RAD9B: variants seen among roughly 807,000 people sequenced by gnomAD.
RAD9B encodes cell cycle checkpoint control protein RAD9B.
In RAD9B, 41 loss-of-function variants were observed where a neutral mutation model predicts 48.3. The ratio of observed to expected loss-of-function variants is 0.85; its 90% CI spans 0.66 to 1.10. The LOEUF (loss-of-function observed/expected upper bound fraction) is 1.10. Ranked by LOEUF, RAD9B falls within the 50% of genes least tolerant of loss-of-function variation. The pLI is 0.00. For missense variants in RAD9B, 444 were observed against 485.1 expected (o/e 0.92, Z 0.80); for synonymous variants, 160 against 157.9 (o/e 1.01, Z -0.10).
intron 3 of RAD9B, 76 bp from the exon 4 acceptor site, chr12:110,506,503 T>C: frequency 1.3e-6 from 1 of 790,972 alleles, no homozygotes; most frequent in Non-Finnish European, 2.2e-6. Flanking sequence ...TGTTCATTTA[T>C]GAATGCATAT....
intron 10 of RAD9B, 40 bp from the exon 11 acceptor site, chr12:110,530,485 C>G: frequency 1.2e-6 from 2 of 1,606,684 alleles, no homozygotes; most frequent in Non-Finnish European, 1.7e-6. Context: ...AGCAAACTTT[C>G]TCTTTGGAAT....
chr12:110,533,222 TCAAAC>T lies in RAD9B; in HGVS notation c.*2574_*2578del, dbSNP rs1485974169. ...GGCTGGTGTCTCATTTAGTTACTAT[TCAAAC>T]CAAAAGAAGCACACAGATTAGTATA... On this transcript the variant is annotated 3_prime_UTR_variant, in exon 11 of 11. Coordinates refer to ENST00000409300, the MANE Select transcript of RAD9B (RefSeq NM_001286535.2). 6.6e-6 allele frequency: 1 copy of T among 152,196 alleles called. No homozygotes were observed. The highest frequency in any genetic ancestry group is 1.5e-5 in the Non-Finnish European group (1 of 68,044). 9.4% of individuals were successfully genotyped at this position (152,196 alleles called of 1,614,324 possible).
In RAD9B at chr12:110,531,455, G is replaced by A. The variant is rs774578143; in HGVS notation, c.*802G>A. 4.2e-6 allele frequency: 3 copies of A among 714,496 alleles called. No individual in the cohort carries two copies. The highest frequency in any genetic ancestry group is 7.0e-6 in the Non-Finnish European group (3 of 426,510). 44.3% of individuals were successfully genotyped at this position (714,496 alleles called of 1,614,324 possible). On this transcript the variant is annotated 3_prime_UTR_variant, in exon 11 of 11. Coordinates refer to ENST00000409300, the MANE Select transcript of RAD9B (RefSeq NM_001286535.2). ...GATCTGCCCACCTCGGCCTCCCAAA[G>A]TGCTGGGATTACAGACTTGAGCCAC... is the stretch of plus-strand genomic sequence containing the variant.
In RAD9B at chr12:110,530,580, A is replaced by G; in HGVS notation, c.1181A>G (p.His394Arg). The G allele has an allele frequency of 6.2e-7, 1 of 1,613,892 alleles. No individual in the cohort carries two copies. The highest frequency in any genetic ancestry group is 8.5e-7 in the Non-Finnish European group (1 of 1,179,836). Residue 394 changes from histidine (H) to arginine (R), a missense_variant, in exon 11 of 11, where the codon CAC becomes CGC. His to Arg is a conservative substitution (Grantham distance 29). Coordinates refer to ENST00000409300, the MANE Select transcript of RAD9B (RefSeq NM_001286535.2). ...TCTGACCAGCAAGAACACTTCAACCACCCTTTCGACAGTCTGGCAAGAGCA... is the reference window on the plus strand; with the variant it reads ...TCTGACCAGCAAGAACACTTCAACCGCCCTTTCGACAGTCTGGCAAGAGCA... ...VSSDQQEHFN[H>R]PFDSLARASD...
intron 4 of RAD9B, among the ~76,000 whole-genome samples, chr12:110,510,326 T>C (rs572209881): frequency 6.6e-6 from 1 of 152,372 alleles, no homozygotes; most frequent in African/African-American, 2.4e-5. Flanking sequence ...GTCCCTTATG[T>C]GGTAGATCAC....
At chr12:110,510,837 C>T (rs2063436695) in intron 4 of RAD9B, among the ~76,000 whole-genome samples, 1 of 151,846 alleles carries the variant, frequency 6.6e-6, no homozygotes. Flanking sequence ...GCCTCTAGTC[C>T]CAGCTACTGG....
intron 3 of RAD9B, 150 bp from the exon 4 acceptor site, chr12:110,506,429 C>G (rs2063270960): frequency 2.1e-6 from 1 of 471,440 alleles, no homozygotes; most frequent in Non-Finnish European, 3.9e-6. Context: ...ACCTCGTGAT[C>G]CGCCCGCCTC....
In RAD9B at chr12:110,531,719, G is replaced by T. The variant is rs754710718; in HGVS notation, c.*1066G>T. On this transcript the variant is annotated 3_prime_UTR_variant, in exon 11 of 11. Transcript: ENST00000409300. ...ATGTCTCTGTTCTTTGGCCCTTTAA[G>T]AGTTAGCTTTTTACCTGCACAAATG... 2 of 1,318,988 alleles carry T rather than the reference G, an allele frequency of 1.5e-6. No homozygotes were observed. Among genetic ancestry groups the T allele is most frequent in the Admixed American group, 4.3e-5 (2 of 46,218 alleles). The allele number at this position is 1,318,988 out of a possible 1,614,324, so 81.7% of individuals were successfully genotyped here. A position where few individuals can be genotyped will look rare whatever the true frequency, so the allele number is the denominator to read the frequency against.
At chr12:110,512,928 A>T (rs954281541) in intron 5 of RAD9B, 50 bp downstream of exon 5, 1 of 902,998 alleles carries the variant, frequency 1.1e-6, no homozygotes, top group Non-Finnish European at 1.8e-6. Flanking sequence ...CAGTATGATC[A>T]TGGAGTGAAG....
chr12:110,512,213 A>AT lies in RAD9B; in HGVS notation c.389-565dup, dbSNP rs376126241. Among the ~76,000 whole-genome samples, 401 of 148,198 alleles carry AT rather than the reference A, an allele frequency of 2.7e-3. 2 individuals carry two copies. The highest frequency in any genetic ancestry group is 9.0e-3 in the African/African-American group (362 of 40,016). ...CCAGGCTGGAGTGTACAGTGGCACA[A>AT]TCTTGGCTCATGGCAACCTCTGCTT... On this transcript the variant is annotated intron_variant, in intron 4 of 10. Transcript: ENST00000409300.
intron 1 of RAD9B, chr12:110,502,871 A>G (rs1281508677): frequency 6.3e-6 from 1 of 158,150 alleles, no homozygotes; most frequent in Admixed American, 6.3e-5. Context: ...GTTTGGAGGC[A>G]ATGAAATGGA....
chr12:110,514,027 C>CCCTTCCTT lies in RAD9B; in HGVS notation c.489-998_489-991dup, dbSNP rs56718609. ...ACAGGCGTGAGCTACCACATCTGGT[C>CCCTTCCTT]CCTTCCTTCCTTCCTTCCTTCCTTC... On this transcript the variant is annotated intron_variant, in intron 5 of 10. Coordinates refer to ENST00000409300, the MANE Select transcript of RAD9B (RefSeq NM_001286535.2). 1.7e-3 allele frequency among the ~76,000 whole-genome samples: 256 copies of CCCTTCCTT among 150,720 alleles called. 1 individual carries two copies. The highest frequency in any genetic ancestry group is 6.9e-3 in the Middle Eastern group (2 of 290).
intron 10 of RAD9B, among the ~76,000 whole-genome samples, chr12:110,525,225 A>C (rs1288228868): frequency 6.6e-6 from 1 of 152,074 alleles, no homozygotes; most frequent in Admixed American, 6.5e-5. Flanking sequence ...TCCCGACCTC[A>C]GGTGATCCAC....
intron 3 of RAD9B, among the ~76,000 whole-genome samples, chr12:110,506,364 A>G (rs978898979): frequency 4.8e-5 from 7 of 144,990 alleles, no homozygotes; most frequent in Non-Finnish European, 7.5e-5. Context: ...AATTTTTTCT[A>G]TTTTTAGTAG....
chr12:110,510,787 C>T (rs571744634), intron 4 of RAD9B, among the ~76,000 whole-genome samples: 1 of 152,264 alleles, frequency 6.6e-6, no homozygotes, highest in African/African-American at 2.4e-5. Flanking sequence ...AACCTTGTCT[C>T]TACCAAAAAT....
chr12:110,515,255 G>T, intron 6 of RAD9B, 99 bp downstream of exon 6: 1 of 659,290 alleles, frequency 1.5e-6, no homozygotes, highest in South Asian at 2.0e-5. Flanking sequence ...TTTTATTCCT[G>T]TCTAAAAAGC....
intron 10 of RAD9B, 112 bp from the exon 11 acceptor site, chr12:110,530,413 A>G (rs1173908047): frequency 1.0e-6 from 1 of 953,256 alleles, no homozygotes; most frequent in African/African-American, 1.6e-5. Context: ...CATCACCAGC[A>G]AAGACAGGGA....
In RAD9B at chr12:110,506,699, T is replaced by TAA; in HGVS notation, c.388+7_388+8insAA. 1 of 1,370,148 alleles carries TAA rather than the reference T, an allele frequency of 7.3e-7. No individual in the cohort carries two copies. The highest frequency in any genetic ancestry group is 1.2e-5 in the South Asian group (1 of 83,658). The allele number at this position is 1,370,148 out of a possible 1,614,324, so 84.9% of individuals were successfully genotyped here. A position where few individuals can be genotyped will look rare whatever the true frequency, so the allele number is the denominator to read the frequency against. ...TCAATTCTTCTACAGACATGGTAGGTATAATTAAAAGTGGTTTAAAATACT... is the reference window on the plus strand; with the variant it reads ...TCAATTCTTCTACAGACATGGTAGGTAAATAATTAAAAGTGGTTTAAAATACT... On this transcript the variant is annotated splice_region_variant and intron_variant, in intron 4 of 10. Coordinates refer to ENST00000409300, the MANE Select transcript of RAD9B (RefSeq NM_001286535.2).
At chr12:110,529,793 A>G (rs2064071658) in intron 10 of RAD9B, among the ~76,000 whole-genome samples, 1 of 152,218 alleles carries the variant, frequency 6.6e-6, no homozygotes, top group African/African-American at 2.4e-5. Context: ...AAATGCTAAC[A>G]TTCCCAGGGT....
Sources: gnomAD v4.1 joint callset for allele counts (sites outside exome capture counted in the v4.1 genomes callset) on GRCh38, gnomAD v4.1.1 for gene constraint, MANE v1.5 for transcripts, NCBI Gene and HGNC (gene_info 2026-07-23, HGNC 2026-07-21) for gene names.